Variants in ANKS1A observed in about 807,000 individuals in gnomAD.
The protein encoded by ANKS1A is ankyrin repeat and sterile alpha motif domain containing 1A.
Under a neutral mutation model 120.3 loss-of-function variants are expected in ANKS1A, and 55 were observed. The ratio of observed to expected loss-of-function variants is 0.46; its 90% confidence interval spans 0.37 to 0.57. The LOEUF (loss-of-function observed/expected upper bound fraction) is 0.57. ANKS1A is among the 20% of genes least tolerant of loss of function. ANKS1A has a pLI of 0.00. For missense variants in ANKS1A, 1,123 were observed against 1,480.3 expected, an observed-to-expected ratio of 0.76 and a Z score of 3.96; for synonymous variants, 590 against 604.7, an observed-to-expected ratio of 0.98 and a Z score of 0.36.
Position 35,091,280 on chromosome 6 carries a change from A to T in ANKS1A, c.*2671A>T. 1.0e-6 allele frequency: 1 copy of T among 985,918 alleles called. No homozygotes were observed. Among genetic ancestry groups the T allele is most frequent in the Non-Finnish European group, 1.2e-6 (1 of 829,956 alleles). 61.1% of individuals were successfully genotyped at this position (985,918 alleles called of 1,614,324 possible). ...AAACATAACCAATCTGTGCAACAAC[A>T]TAGACTGACCTCAGTACCCAAGAGA... On this transcript the variant is annotated 3_prime_UTR_variant, in exon 24 of 24. Transcript: ENST00000360359.
chr6:35,097,503 C>T, the ANKS1A span, among the ~76,000 whole-genome samples: 59 of 142,846 alleles, frequency 4.1e-4, no homozygotes, highest in African/African-American at 1.5e-3. Flanking sequence ...AGCCAGACTC[C>T]GTCTCAAAAA....
Position 35,090,165 on chromosome 6 carries a change from T to C in ANKS1A, c.*1556T>C. 7.8e-7 allele frequency: 1 copy of C among 1,289,454 alleles called. No homozygotes were observed. The highest frequency in any genetic ancestry group is 1.2e-5 in the South Asian group (1 of 81,034). 79.9% of individuals were successfully genotyped at this position (1,289,454 alleles called of 1,614,324 possible). ...GCGGTAGAGGCAGGCCCTCCTCCAC[T>C]TCTTGGTACTAAACGAAGATCTCGA... On this transcript the variant is annotated 3_prime_UTR_variant, in exon 24 of 24. Coordinates refer to ENST00000360359, the MANE Select transcript of ANKS1A (RefSeq NM_015245.3).
intron 1 of ANKS1A, among the ~76,000 whole-genome samples, chr6:34,918,065 TC>T (rs1388829650): frequency 6.6e-6 from 1 of 152,196 alleles, no homozygotes; most frequent in Non-Finnish European, 1.5e-5. Context: ...TCTGCCGTGT[TC>T]CTAGGACCAG....
chr6:34,979,833 T>C (rs1404468499), intron 3 of ANKS1A, among the ~76,000 whole-genome samples: 1 of 152,180 alleles, frequency 6.6e-6, no homozygotes, highest in Non-Finnish European at 1.5e-5. Flanking sequence ...ACCTGGAGAA[T>C]CCTTTTAAAC....
intron 1 of ANKS1A, among the ~76,000 whole-genome samples, chr6:34,931,815 G>A (rs901911516): frequency 4.6e-5 from 7 of 152,148 alleles, no homozygotes; most frequent in Admixed American, 2.6e-4. Flanking sequence ...AATAACACCC[G>A]TTTCTGTGAA....
rs774278102 is a variant in ANKS1A at position 35,082,693 on chromosome 6, G to A, written c.2712G>A (p.Glu904=). The A allele has an allele frequency of 6.2e-7, 1 of 1,608,594 alleles. No individual in the cohort carries two copies. The highest frequency in any genetic ancestry group is 8.5e-7 in the Non-Finnish European group (1 of 1,177,324). The change falls in exon 18 of 24, where the codon GAG becomes GAA. Residue 904 remains glutamate (E), a splice_region_variant and synonymous_variant. Transcript: ENST00000360359. This position sits in a 1 kb window ranked among gnomAD's most constrained non-coding sequence, Gnocchi z 4.1. The part of the protein sequence containing the change: ...PSRAERFRIQ[E]EHREAKLTLR... ...GTCCAATTGCGTGTGTTTCGCAGGA[G>A]GAGCACCGTGAGGCCAAGCTGACCC...
intron 1 of ANKS1A, among the ~76,000 whole-genome samples, chr6:34,916,648 CT>C (rs1768181442): frequency 6.6e-6 from 1 of 152,106 alleles, no homozygotes; most frequent in Non-Finnish European, 1.5e-5. Context: ...AAAAGTCTTC[CT>C]TTTGCCTCTG....
rs2127621161 is a variant in ANKS1A at position 35,090,703 on chromosome 6, G to GC, written c.*2095dup. The GC allele has an allele frequency of 1.0e-6, 1 of 988,068 alleles. No homozygotes were observed. Among genetic ancestry groups the GC allele is most frequent in the East Asian group, 1.1e-4 (1 of 8,868 alleles). The allele number at this position is 988,068 out of a possible 1,614,324, so 61.2% of individuals were successfully genotyped here. A position where few individuals can be genotyped will look rare whatever the true frequency, so the allele number is the denominator to read the frequency against. On this transcript the variant is annotated 3_prime_UTR_variant, in exon 24 of 24. Coordinates refer to ENST00000360359, the MANE Select transcript of ANKS1A (RefSeq NM_015245.3). ...AAGGTTATTATAACTTTAAGGACAG[G>GC]CTTCAAGTGGGAAGGCCCCTACTTT...
At chr6:35,092,585 T>C (rs1778341891), downstream of ANKS1A, among the ~76,000 whole-genome samples, 1 of 152,152 alleles carries the variant, frequency 6.6e-6, no homozygotes, top group Admixed American at 6.5e-5. Flanking sequence ...CATCCCCACA[T>C]CCCTTGGCTC....
At position 35,088,643 on chromosome 6, in the gene ANKS1A, T is replaced by TA. The variant is rs750098410; in HGVS notation, c.*35dup. ...GGAACCACACTGTGCTGCGGAAACA[T>TA]AGACGTGGGGGCATAGGCTCCCACT... On this transcript the variant is annotated 3_prime_UTR_variant, in exon 24 of 24. Transcript: ENST00000360359. 3.1e-6 allele frequency: 5 copies of TA among 1,614,046 alleles called. No individual in the cohort carries two copies. The highest frequency in any genetic ancestry group is 1.3e-5 in the African/African-American group (1 of 74,930).
At position 35,086,338 on chromosome 6, in the gene ANKS1A, A is replaced by G. The variant is rs186338039; in HGVS notation, c.3303+402A>G. 14 of 1,299,162 alleles carry G rather than the reference A, an allele frequency of 1.1e-5. No homozygotes were observed. In the Admixed American group the frequency reaches 1.8e-4, roughly 17 times the overall value. The allele number at this position is 1,299,162 out of a possible 1,614,324, so 80.5% of individuals were successfully genotyped here. On this transcript the variant is annotated intron_variant, in intron 22 of 23. Coordinates refer to ENST00000360359, the MANE Select transcript of ANKS1A (RefSeq NM_015245.3). The surrounding 1 kb of genome is among the most constrained non-coding windows in gnomAD (Gnocchi z 5.1). The stretch of plus-strand genomic sequence containing the variant: ...GCACCACCCACCGTCCTTCCTACCT[A>G]CCGCTGCCATCTGTTAGTCCTGGAG...
At chr6:35,069,595 C>T (rs1027333067) in intron 13 of ANKS1A, among the ~76,000 whole-genome samples, 1 of 151,952 alleles carries the variant, frequency 6.6e-6, no homozygotes, top group Non-Finnish European at 1.5e-5. Flanking sequence ...GGCTGGAGTG[C>T]AGTGGCGCAG....
rs1272980818 is a variant in ANKS1A at position 35,060,154 on chromosome 6, G to A, written c.2085G>A (p.Arg695=). 5.0e-6 allele frequency: 8 copies of A among 1,613,516 alleles called. No individual in the cohort carries two copies. Among genetic ancestry groups the A allele is most frequent in the Non-Finnish European group, 6.8e-6 (8 of 1,179,836 alleles). Residue 695 remains arginine (R), a synonymous_variant, in exon 13 of 24, where the codon CGG becomes CGA. Coordinates refer to ENST00000360359, the MANE Select transcript of ANKS1A (RefSeq NM_015245.3). The surrounding 1 kb of genome is among the most constrained non-coding windows in gnomAD (Gnocchi z 4.5). ...CGATTCCTCTCTCATCAGGTTTACG[G>A]ACGCTGGAGCAGAGTGTCGGGGAGT... The part of the protein sequence containing the change: ...SQERQKISGL[R]TLEQSVGEWL...
intron 11 of ANKS1A, among the ~76,000 whole-genome samples, chr6:35,024,093 C>T (rs1201300496): frequency 6.6e-6 from 1 of 152,192 alleles, no homozygotes; most frequent in African/African-American, 2.4e-5. Context: ...TTAAGCCTTT[C>T]CCACTTCCTA....
At chr6:35,078,848 C>T (rs188555852) in intron 14 of ANKS1A, among the ~76,000 whole-genome samples, 192 bp downstream of exon 14, 1 of 152,336 alleles carries the variant, frequency 6.6e-6, no homozygotes, top group South Asian at 2.1e-4. Flanking sequence ...TGCCCTAAGG[C>T]CCTTGGAGAG....
downstream of ANKS1A, among the ~76,000 whole-genome samples, chr6:35,091,570 T>G (rs1778305706): frequency 6.6e-6 from 1 of 152,258 alleles, no homozygotes; most frequent in Non-Finnish European, 1.5e-5. Flanking sequence ...TCGCACTCTC[T>G]AACAAACAGT....
At chr6:35,093,629 C>T (rs1325660079), downstream of ANKS1A, among the ~76,000 whole-genome samples, 2 of 152,170 alleles carry the variant, frequency 1.3e-5, no homozygotes, top group East Asian at 3.8e-4. Context: ...AGTAAACTAA[C>T]GCCTATGTCT....
At chr6:34,901,557 C>A (rs1379896182) in intron 1 of ANKS1A, among the ~76,000 whole-genome samples, 1 of 152,174 alleles carries the variant, frequency 6.6e-6, no homozygotes, top group East Asian at 1.9e-4. Flanking sequence ...GTCACTCAGG[C>A]TGGAGCACAG....
At chr6:35,002,051 G>A (rs563947186) in intron 10 of ANKS1A, among the ~76,000 whole-genome samples, 27 of 152,202 alleles carry the variant, frequency 1.8e-4, no homozygotes, top group Admixed American at 1.3e-3. Context: ...TTAATAAATA[G>A]CAAAGGACAC....
Sources: gnomAD v4.1 joint callset for allele counts (sites outside exome capture counted in the v4.1 genomes callset) on GRCh38, gnomAD v4.1.1 for gene constraint, Gnocchi (gnomAD v3.1) non-coding constraint, MANE v1.5 for transcripts, NCBI Gene and HGNC (gene_info 2026-07-23, HGNC 2026-07-21) for gene names.